PRKG1: variants seen among roughly 807,000 people sequenced by gnomAD.
PRKG1 encodes protein kinase cGMP-dependent 1.
In PRKG1, 35 loss-of-function variants were observed where a neutral mutation model predicts 88.1. That is an observed-to-expected ratio of 0.40 (90% CI 0.30 to 0.53). The LOEUF (loss-of-function observed/expected upper bound fraction) is 0.53, where lower values mean the gene tolerates loss of function less well. Ranked by LOEUF, PRKG1 falls within the 20% of genes least tolerant of loss-of-function variation. The probability of loss-of-function intolerance (pLI) is 0.59; values close to 1 mark genes in which losing one functional copy is unlikely to be tolerated. For synonymous variants in PRKG1, 303 were observed against 292.5 expected (o/e 1.04, Z -0.37); for missense variants, 540 against 839.8 (o/e 0.64, Z 4.41).
At chr10:51,367,996 G>A (rs1027855500) in intron 2 of PRKG1, among the ~76,000 whole-genome samples, 6 of 151,822 alleles carry the variant, frequency 4.0e-5, no homozygotes, top group Non-Finnish European at 7.4e-5. Flanking sequence ...GTGTTTTGCT[G>A]ATTTTATTTC....
At chr10:51,712,361 G>A (rs985344317) in intron 3 of PRKG1, among the ~76,000 whole-genome samples, 10 of 152,136 alleles carry the variant, frequency 6.6e-5, no homozygotes, top group Admixed American at 2.6e-4. Context: ...GTCCAGAGAA[G>A]GTGAGAGTGA....
At chr10:52,153,894 G>A (rs1333257515) in intron 8 of PRKG1, among the ~76,000 whole-genome samples, 1 of 151,872 alleles carries the variant, frequency 6.6e-6, no homozygotes, top group Admixed American at 6.6e-5. Context: ...TACAGGCATG[G>A]ACTACCATGC....
At chr10:51,130,200 C>T (rs759325916) in intron 1 of PRKG1, among the ~76,000 whole-genome samples, 1 of 152,160 alleles carries the variant, frequency 6.6e-6, no homozygotes, top group Non-Finnish European at 1.5e-5. Flanking sequence ...TAAACCTCTT[C>T]TCTCCTCCAT....
intron 2 of PRKG1, among the ~76,000 whole-genome samples, chr10:51,373,111 A>G (rs965359223): frequency 6.6e-6 from 1 of 152,188 alleles, no homozygotes; most frequent in African/African-American, 2.4e-5. Context: ...TCACACAAAT[A>G]TTTTTTGAGA....
At chr10:51,749,155 G>A (rs1041232400) in intron 3 of PRKG1, among the ~76,000 whole-genome samples, 1 of 152,210 alleles carries the variant, frequency 6.6e-6, no homozygotes, top group African/African-American at 2.4e-5. Flanking sequence ...TGACATTTCA[G>A]AAGTGAGTAC....
intron 4 of PRKG1, among the ~76,000 whole-genome samples, chr10:51,871,446 C>G (rs1366506452): frequency 6.6e-6 from 1 of 152,186 alleles, no homozygotes; most frequent in African/African-American, 2.4e-5. Context: ...CCTCCCCATC[C>G]TGATCCTACC....
rs974048678 is a variant in PRKG1, at chr10:52,194,601, C to G, written c.1076+32638C>G. On this transcript the variant is annotated intron_variant, in intron 9 of 17. Transcript: ENST00000373980. The stretch of plus-strand genomic sequence containing the variant: ...CTCGCTAAAGTTTCCGTTTATGTGG[C>G]CTTTGTCTCTGGTTTTAACAATGTG... Among the ~76,000 whole-genome samples, 12 of 152,066 alleles carry G rather than the reference C, an allele frequency of 7.9e-5. No individual in the cohort carries two copies. In the South Asian group the frequency reaches 1.0e-3, roughly 13 times the overall value.
At chr10:52,065,773 A>G (rs997473342) in intron 7 of PRKG1, among the ~76,000 whole-genome samples, 2 of 152,192 alleles carry the variant, frequency 1.3e-5, no homozygotes, top group Admixed American at 6.5e-5. Flanking sequence ...TAAATGTATC[A>G]TCTGTATCTT....
chr10:51,595,172 T>G (rs996128111), intron 3 of PRKG1, among the ~76,000 whole-genome samples: 4 of 152,038 alleles, frequency 2.6e-5, no homozygotes, highest in African/African-American at 4.8e-5. Context: ...CATAGTGAGA[T>G]CCCATCTCTA....
chr10:52,144,794 G>A (rs1302716966), intron 8 of PRKG1, among the ~76,000 whole-genome samples: 2 of 152,042 alleles, frequency 1.3e-5, no homozygotes, highest in Non-Finnish European at 2.9e-5. Flanking sequence ...TCCACCCTGG[G>A]CGACCGAGCA....
intron 5 of PRKG1, among the ~76,000 whole-genome samples, chr10:51,934,878 G>C (rs539077141): frequency 6.6e-6 from 1 of 152,260 alleles, no homozygotes; most frequent in South Asian, 2.1e-4. Flanking sequence ...TTTACTCATG[G>C]ATTTCAATCA....
At chr10:51,107,660 C>CA (rs1197050569) in intron 1 of PRKG1, among the ~76,000 whole-genome samples, 1 of 151,376 alleles carries the variant, frequency 6.6e-6, no homozygotes, top group Non-Finnish European at 1.5e-5. Flanking sequence ...CCCATATCTA[C>CA]AAAAAACTGA....
At chr10:51,325,536 G>C (rs190339336) in intron 2 of PRKG1, among the ~76,000 whole-genome samples, 1 of 152,276 alleles carries the variant, frequency 6.6e-6, no homozygotes, top group East Asian at 1.9e-4. Context: ...CAGATGGATA[G>C]TTTACAAATA....
chr10:51,385,022 C>A (rs182405729), intron 2 of PRKG1, among the ~76,000 whole-genome samples: 2 of 152,212 alleles, frequency 1.3e-5, no homozygotes, highest in East Asian at 3.9e-4. Context: ...GTCTCTCGAA[C>A]CTTGTTGTTG....
intron 3 of PRKG1, among the ~76,000 whole-genome samples, chr10:51,499,719 G>A (rs376512795): frequency 3.9e-5 from 6 of 152,216 alleles, no homozygotes; most frequent in South Asian, 2.1e-4. Flanking sequence ...CAGGAGGATC[G>A]CTTGCAGCCA....
chr10:52,209,559 C>G (rs1839906616), intron 9 of PRKG1, among the ~76,000 whole-genome samples: 1 of 152,092 alleles, frequency 6.6e-6, no homozygotes, highest in African/African-American at 2.4e-5. Flanking sequence ...CTGAGAATAT[C>G]AAAGGAGTTT....
intron 5 of PRKG1, among the ~76,000 whole-genome samples, chr10:51,997,224 G>C (rs912011203): frequency 6.6e-6 from 1 of 152,066 alleles, no homozygotes; most frequent in Non-Finnish European, 1.5e-5. Context: ...TGTAATCCCA[G>C]CACTTTGGGA....
At position 51,138,972 on chromosome 10, in the gene PRKG1, C is replaced by G. The variant is rs184526079; in HGVS notation, c.312-14192C>G. Among the ~76,000 whole-genome samples, 493 of 152,080 alleles carry G rather than the reference C, an allele frequency of 3.2e-3. 2 individuals are homozygous for G. The highest frequency in any genetic ancestry group is 0.01 in the African/African-American group (416 of 41,484). On this transcript the variant is annotated intron_variant, in intron 1 of 17. Transcript: ENST00000373980. ...GCTGGGATTACAGGCATGAGCCACT[C>G]CGCCCGGCCACATTTTTTGAACAGG...
chr10:51,873,711 T>C (rs1841217473), intron 4 of PRKG1, among the ~76,000 whole-genome samples: 1 of 151,964 alleles, frequency 6.6e-6, no homozygotes, highest in African/African-American at 2.4e-5. Context: ...GTACTTTTAG[T>C]AGAGAACGGG....
Sources: allele counts gnomAD v4.1 joint callset (sites outside exome capture counted in the v4.1 genomes callset), GRCh38; gene constraint gnomAD v4.1.1; transcripts MANE v1.5; gene names NCBI Gene and HGNC (gene_info 2026-07-23, HGNC 2026-07-21).